Variants in PUS1 observed in about 807,000 individuals in gnomAD.
PUS1 encodes pseudouridine synthase 1.
A neutral mutation model predicts 38.5 loss-of-function variants in PUS1; 25 were observed. The observed-to-expected ratio is 0.65, with a 90% CI of 0.47 to 0.91. The LOEUF is 0.91. Among genes scored for constraint, PUS1 ranks in the 40% least tolerant of loss-of-function variants. The pLI, the probability that PUS1 is intolerant of heterozygous loss-of-function variation, is 0.00. For synonymous variants in PUS1, 282 were observed against 260.4 expected (o/e 1.08, Z -0.80); for missense variants, 597 against 612.3 (o/e 0.97, Z 0.26).
In PUS1 at chr12:131,930,075, G is replaced by A; in HGVS notation, c.243G>A (p.Pro81=). Residue 81 remains proline, a synonymous_variant, in exon 2 of 6, where the codon CCG becomes CCA. Coordinates refer to ENST00000376649, the MANE Select transcript of PUS1 (RefSeq NM_025215.6). ...GCGACGAGGAGCGGCGCGAGAAGCC[G>A]CCCAAGCGGAAGATCGTGCTGCTCA... ...SGGDEERREK[P]PKRKIVLLMA... The A allele has an allele frequency of 1.4e-6, 2 of 1,437,528 alleles. No individual in the cohort carries two copies. The highest frequency in any genetic ancestry group is 1.8e-6 in the Non-Finnish European group (2 of 1,095,932). The allele number at this position is 1,437,528 out of a possible 1,614,324, so 89.0% of individuals were successfully genotyped here.
rs1005841755 is a variant in PUS1, at chr12:131,945,577, A to T, written c.*1991A>T. The stretch of plus-strand genomic sequence containing the variant: ...AGTGGCGCGATCTCGGCTCACTGCA[A>T]CCTGCGCCTCCCGGGCTCAAGCGAT... On this transcript the variant is annotated 3_prime_UTR_variant, in exon 6 of 6. Transcript: ENST00000376649. 2 of 152,122 alleles carry T rather than the reference A, an allele frequency of 1.3e-5. No homozygotes were observed. Among genetic ancestry groups the T allele is most frequent in the Non-Finnish European group, 2.9e-5 (2 of 68,040 alleles). 9.4% of individuals were successfully genotyped at this position (152,122 alleles called of 1,614,324 possible). A position where few individuals can be genotyped will look rare whatever the true frequency, so the allele number is the denominator to read the frequency against.
At position 131,941,187 on chromosome 12, in the gene PUS1, G is replaced by T; in HGVS notation, c.545-105G>T. ...CGATGCTTGCTGGAGCTTGGTCGGTGCTCTGGGTAAGGAGACGCTGGGGCT... is the reference window on the plus strand; with the variant it reads ...CGATGCTTGCTGGAGCTTGGTCGGTTCTCTGGGTAAGGAGACGCTGGGGCT... On this transcript the variant is annotated intron_variant, in intron 4 of 5. Transcript: ENST00000376649. This position sits in a 1 kb window ranked among gnomAD's most constrained non-coding sequence, Gnocchi z 4.4. 1.0e-6 allele frequency: 1 copy of T among 992,562 alleles called. No individual in the cohort carries two copies. The highest frequency in any genetic ancestry group is 1.5e-6 in the Non-Finnish European group (1 of 645,418). The allele number at this position is 992,562 out of a possible 1,614,324, so 61.5% of individuals were successfully genotyped here. A position where few individuals can be genotyped will look rare whatever the true frequency, so the allele number is the denominator to read the frequency against.
chr12:131,939,032 T>A, intron 3 of PUS1, 141 bp from the exon 4 acceptor site: 1 of 702,580 alleles, frequency 1.4e-6, no homozygotes. Context: ...TGAGCCACTA[T>A]GCCCGGCCCT....
At chr12:131,942,098 G>A (rs1891104063) in intron 5 of PUS1, 115 bp downstream of exon 5, 4 of 976,782 alleles carry the variant, frequency 4.1e-6, no homozygotes, top group Non-Finnish European at 6.2e-6. Flanking sequence ...AGGCCACACA[G>A]CTGCTGCAGG....
Position 131,930,105 on chromosome 12 carries a change from C to A in PUS1, c.273C>A (p.Ala91=), listed in dbSNP as rs1222515853. ...AGCGGAAGATCGTGCTGCTCATGGCCTATTCGGGCAAGGGCTACCACGGCA... is the reference window on the plus strand; with the variant it reads ...AGCGGAAGATCGTGCTGCTCATGGCATATTCGGGCAAGGGCTACCACGGCA... ...PPKRKIVLLM[A]YSGKGYHGMQ... The change falls in exon 2 of 6, where the codon GCC becomes GCA. Residue 91 remains alanine (A), a synonymous_variant. Coordinates refer to ENST00000376649, the MANE Select transcript of PUS1 (RefSeq NM_025215.6). 7.0e-7 allele frequency: 1 copy of A among 1,435,462 alleles called. No homozygotes were observed. The highest frequency in any genetic ancestry group is 9.1e-7 in the Non-Finnish European group (1 of 1,094,814). 88.9% of individuals were successfully genotyped at this position (1,435,462 alleles called of 1,614,324 possible).
chr12:131,942,917 C>T (rs1040054886), intron 5 of PUS1, among the ~76,000 whole-genome samples: 14 of 152,154 alleles, frequency 9.2e-5, no homozygotes, highest in Admixed American at 2.0e-4. Flanking sequence ...ATAGATGGGG[C>T]GATGAGAGGC....
In PUS1 at chr12:131,929,907, C is replaced by T. The variant is rs1288220839; in HGVS notation, c.75C>T (p.Cys25=). 1.2e-5 allele frequency: 17 copies of T among 1,474,426 alleles called. No individual in the cohort carries two copies. The highest frequency in any genetic ancestry group is 2.4e-5 in the Admixed American group (1 of 41,812). 91.3% of individuals were successfully genotyped at this position (1,474,426 alleles called of 1,614,324 possible). Residue 25 remains cysteine, a splice_region_variant and synonymous_variant, in exon 2 of 6, where the codon TGC becomes TGT. Transcript: ENST00000376649. ...CCGCTCACGCCGCCCTTCTCCGCAG[C>T]TCGCCGCGCATGGCCGGGAACGCGG... ...WTLRLGPRPS[C]SPRMAGNAEP...
intron 3 of PUS1, among the ~76,000 whole-genome samples, chr12:131,934,205 AC>A (rs1890728269): frequency 6.6e-6 from 1 of 152,240 alleles, no homozygotes; most frequent in Non-Finnish European, 1.5e-5. Flanking sequence ...CCGTTGAAGC[AC>A]CACAGGGAGC....
At chr12:131,937,133 C>T (rs543771219) in intron 3 of PUS1, among the ~76,000 whole-genome samples, 1 of 152,204 alleles carries the variant, frequency 6.6e-6, no homozygotes, top group East Asian at 1.9e-4. Flanking sequence ...TCGTTTCATT[C>T]TGCCACGTTC....
At chr12:131,940,930 A>T (rs1891033019) in intron 4 of PUS1, 2 of 263,688 alleles carry the variant, frequency 7.6e-6, no homozygotes, top group African/African-American at 2.1e-5. Context: ...ATTATGTGTG[A>T]TATTTCCAGT....
intron 5 of PUS1, 69 bp from the exon 6 acceptor site, chr12:131,943,470 C>T (rs562694090): frequency 1.7e-5 from 22 of 1,314,746 alleles, no homozygotes; most frequent in Non-Finnish European, 2.4e-5. Flanking sequence ...TGTCATGGGC[C>T]CCTGTGGGCA....
Position 131,943,584 on chromosome 12 carries a change from T to G in PUS1, c.1282T>G (p.Ter428GlyextTer11). ...CAGTGAAGGGGACGGAGACACTGAC[T>G]GAGGCGATGGGAGCTGCCCACCAGA... ...EGSEGDGDTD* is the reference protein window; with the variant it reads ...EGSEGDGDTDG Residue 428 changes from the stop codon to glycine, a stop_lost, in exon 6 of 6, where the codon TGA (stop) becomes GGA (glycine). Coordinates refer to ENST00000376649, the MANE Select transcript of PUS1 (RefSeq NM_025215.6). The G allele has an allele frequency of 6.2e-7, 1 of 1,613,220 alleles. No homozygotes were observed. Among genetic ancestry groups the G allele is most frequent in the East Asian group, 2.2e-5 (1 of 44,864 alleles).
At chr12:131,929,832 C>CGCCCA (rs781502178) in intron 1 of PUS1, 36 bp downstream of exon 1, 15 of 1,506,422 alleles carry the variant, frequency 1.0e-5, no homozygotes, top group South Asian at 2.4e-5. Context: ...CCGCTATGCC[C>CGCCCA]GCCCAGCCCA....
chr12:131,929,574 G>C lies in PUS1; in HGVS notation c.-149G>C. 3.1e-6 allele frequency: 2 copies of C among 641,022 alleles called. No individual in the cohort carries two copies. Among genetic ancestry groups the C allele is most frequent in the Non-Finnish European group, 5.0e-6 (2 of 398,988 alleles). The allele number at this position is 641,022 out of a possible 1,614,324, so 39.7% of individuals were successfully genotyped here. A position where few individuals can be genotyped will look rare whatever the true frequency, so the allele number is the denominator to read the frequency against. ...CAGGGGTCAGCTGGAGAGGGGCTGG[G>C]GCGCCGGTTTCCCGGAGGTCAGGGG... On this transcript the variant is annotated 5_prime_UTR_variant, in exon 1 of 6. Coordinates refer to ENST00000376649, the MANE Select transcript of PUS1 (RefSeq NM_025215.6).
chr12:131,942,146 A>G (rs1891105440), intron 5 of PUS1, among the ~76,000 whole-genome samples, 163 bp downstream of exon 5: 2 of 152,156 alleles, frequency 1.3e-5, no homozygotes, highest in Admixed American at 6.5e-5. Context: ...CCTTGTCTGC[A>G]TGCCTGCGCC....
rs1300183300 is a variant in PUS1, at chr12:131,944,030, T to C, written c.*444T>C. The C allele has an allele frequency of 4.2e-6, 1 of 236,800 alleles. No homozygotes were observed. The highest frequency in any genetic ancestry group is 1.0e-4 in the East Asian group (1 of 9,760). The allele number at this position is 236,800 out of a possible 1,614,324, so 14.7% of individuals were successfully genotyped here. On this transcript the variant is annotated 3_prime_UTR_variant, in exon 6 of 6. Transcript: ENST00000376649. ...GGGAGGCTGAGGTGGGCAGATCGCTTGAGTACAGGAGTTCCAGACCAGCCT... is the reference window on the plus strand; with the variant it reads ...GGGAGGCTGAGGTGGGCAGATCGCTCGAGTACAGGAGTTCCAGACCAGCCT...
Position 131,940,092 on chromosome 12 carries a change from G to A in PUS1, c.544+817G>A, listed in dbSNP as rs188574215. Among the ~76,000 whole-genome samples, 22 of 152,118 alleles carry A rather than the reference G, an allele frequency of 1.4e-4. No individual in the cohort carries two copies. In the East Asian group the frequency reaches 4.1e-3, roughly 28 times the overall value. On this transcript the variant is annotated intron_variant, in intron 4 of 5. Coordinates refer to ENST00000376649, the MANE Select transcript of PUS1 (RefSeq NM_025215.6). Reference sequence around the variant, plus strand: ...CTGTTGCCGAGGCTGGAGTGCAGTGGTGTGATCACAGCTCACTGTAGCATC... The same window carrying A: ...CTGTTGCCGAGGCTGGAGTGCAGTGATGTGATCACAGCTCACTGTAGCATC...
chr12:131,934,713 G>A (rs951396898), intron 3 of PUS1: 1 of 152,216 alleles, frequency 6.6e-6, no homozygotes, highest in Non-Finnish European at 1.5e-5. Context: ...TTGGCAGACG[G>A]GGACAGCAGA....
chr12:131,941,228 C>G lies in PUS1; in HGVS notation c.545-64C>G. On this transcript the variant is annotated intron_variant, in intron 4 of 5. Transcript: ENST00000376649. This position sits in a 1 kb window ranked among gnomAD's most constrained non-coding sequence, Gnocchi z 4.4. ...CGCTGGGGCTCACGCCGTGCTCAGG[C>G]TGCTCCCTGGTCATCCAGGCACTTC... is the stretch of plus-strand genomic sequence containing the variant. 7.0e-7 allele frequency: 1 copy of G among 1,429,320 alleles called. No individual in the cohort carries two copies. The highest frequency in any genetic ancestry group is 9.8e-7 in the Non-Finnish European group (1 of 1,019,250). The allele number at this position is 1,429,320 out of a possible 1,614,324, so 88.5% of individuals were successfully genotyped here.
Sources: allele counts gnomAD v4.1 joint callset (sites outside exome capture counted in the v4.1 genomes callset), GRCh38; gene constraint gnomAD v4.1.1; non-coding constraint Gnocchi (gnomAD v3.1); transcripts MANE v1.5; gene names NCBI Gene and HGNC (gene_info 2026-07-23, HGNC 2026-07-21).